SYNE1: variants seen among roughly 807,000 people sequenced by gnomAD.
SYNE1 encodes spectrin repeat containing nuclear envelope protein 1, also known as nesprin-1.
A neutral mutation model predicts 1,111.0 loss-of-function variants in SYNE1; 616 were observed. The ratio of observed to expected loss-of-function variants is 0.55; its 90% CI spans 0.52 to 0.59. The LOEUF (loss-of-function observed/expected upper bound fraction) is 0.59. Ranked by LOEUF, SYNE1 falls within the 20% of genes least tolerant of loss-of-function variation. SYNE1 has a pLI of 0.00. For synonymous variants in SYNE1, 3,855 were observed against 3,825.8 expected (o/e 1.01, Z -0.28); for missense variants, 10,006 against 10,417.0 (o/e 0.96, Z 1.72).
In SYNE1 at chr6:152,508,700, C is replaced by T. The variant is rs60901669; in HGVS notation, c.581+1493G>A. On this transcript the variant is annotated intron_variant, in intron 8 of 145. Coordinates refer to ENST00000367255, the MANE Select transcript of SYNE1 (RefSeq NM_182961.4). ...TAAGTTGTAAGAGAGATTAGTAATG[C>T]CACTGTGGATGCAATTAAACAGTGT... is the stretch of plus-strand genomic sequence containing the variant. Among the ~76,000 whole-genome samples, 491 of 152,270 alleles carry T rather than the reference C, an allele frequency of 3.2e-3. 5 individuals carry two copies. The highest frequency in any genetic ancestry group is 0.012 in the African/African-American group (478 of 41,552).
chr6:152,636,487 T>G (rs777516731), intron 2 of SYNE1, among the ~76,000 whole-genome samples, 151 bp downstream of exon 2: 44 of 152,094 alleles, frequency 2.9e-4, no homozygotes, highest in Non-Finnish European at 5.1e-4. Flanking sequence ...CACACATCAC[T>G]GCCACCACCC....
chr6:152,444,594 A>G lies in SYNE1; in HGVS notation c.3670-16T>C. 6.2e-7 allele frequency: 1 copy of G among 1,602,596 alleles called. No homozygotes were observed. Among genetic ancestry groups the G allele is most frequent in the African/African-American group, 1.3e-5 (1 of 74,590 alleles). The stretch of plus-strand genomic sequence containing the variant: ...TCTTTTCAACCTATATTTTCATGAA[A>G]AAAAAAAACACGTAAATCATATGCT... On this transcript the variant is annotated splice_polypyrimidine_tract_variant and intron_variant, in intron 29 of 145. Coordinates refer to ENST00000367255, the MANE Select transcript of SYNE1 (RefSeq NM_182961.4).
At chr6:152,560,526 C>A (rs946289126) in intron 3 of SYNE1, among the ~76,000 whole-genome samples, 2 of 152,126 alleles carry the variant, frequency 1.3e-5, no homozygotes, top group African/African-American at 4.8e-5. Flanking sequence ...AAAACTAATA[C>A]CAATCTTTCC....
chr6:152,205,655 G>A (rs553070148), intron 126 of SYNE1, among the ~76,000 whole-genome samples: 2 of 152,334 alleles, frequency 1.3e-5, no homozygotes, highest in South Asian at 2.1e-4. Flanking sequence ...CTTACTGTGT[G>A]ATCAGTATGT....
At chr6:152,175,627 A>G (rs2066275205) in intron 130 of SYNE1, among the ~76,000 whole-genome samples, 1 of 152,246 alleles carries the variant, frequency 6.6e-6, no homozygotes, top group Non-Finnish European at 1.5e-5. Context: ...TGTAGTGAAT[A>G]CAATGGAGAA....
At chr6:152,216,360 A>G (rs138143927) in intron 121 of SYNE1, among the ~76,000 whole-genome samples, 206 of 152,346 alleles carry the variant, frequency 1.4e-3, no homozygotes, top group Non-Finnish European at 2.1e-3. Flanking sequence ...AAATGACATG[A>G]TAGAGCATGG....
intron 67 of SYNE1, among the ~76,000 whole-genome samples, chr6:152,354,095 G>T (rs142898851): frequency 6.6e-6 from 1 of 152,012 alleles, no homozygotes; most frequent in Non-Finnish European, 1.5e-5. Context: ...AGCTGAGACC[G>T]CACCACTGCA....
In SYNE1 at chr6:152,387,238, T is replaced by C. The variant is rs1202704246; in HGVS notation, c.8321A>G (p.Asp2774Gly). Reference sequence around the variant, plus strand: ...CTCAGACAGGATGGACTGGAGGTGGTCAAGCAGGACGAACTTCTCTTTCAG... The same window carrying C: ...CTCAGACAGGATGGACTGGAGGTGGCCAAGCAGGACGAACTTCTCTTTCAG... ...PGLKEKFVLL[D>G]HLQSILSEAE... Residue 2774 changes from aspartate (D) to glycine (G), a missense_variant, in exon 54 of 146, where the codon GAC (aspartate) becomes GGC (glycine). This residue lies in a region of SYNE1 where 4,955 missense variants were observed against 5,017.2 expected (regional missense o/e 0.99). Transcript: ENST00000367255. 1 of 1,614,098 alleles carries C rather than the reference T, an allele frequency of 6.2e-7. No homozygotes were observed. Among genetic ancestry groups the C allele is most frequent in the Non-Finnish European group, 8.5e-7 (1 of 1,180,010 alleles).
At chr6:152,247,727 T>TTTTATATATATATATATA (rs1193626300) in intron 105 of SYNE1, among the ~76,000 whole-genome samples, 1 of 117,784 alleles carries the variant, frequency 8.5e-6, no homozygotes, top group African/African-American at 3.5e-5. Flanking sequence ...ATATTTTTTA[T>TTTTATATATATATATATA]TATATATATA....
intron 95 of SYNE1, among the ~76,000 whole-genome samples, chr6:152,286,245 T>G (rs2094321625): frequency 6.6e-6 from 1 of 152,224 alleles, no homozygotes; most frequent in African/African-American, 2.4e-5. Flanking sequence ...GATCAAGAAA[T>G]GGAATATTTC....
Position 152,437,417 on chromosome 6 carries a change from T to C in SYNE1, c.4150-1316A>G, listed in dbSNP as rs77522975. Among the ~76,000 whole-genome samples, 1,494 of 152,326 alleles carry C rather than the reference T, an allele frequency of 9.8e-3. 23 individuals carry two copies. The highest frequency in any genetic ancestry group is 0.033 in the African/African-American group (1,391 of 41,566). ...TTTCTTAGAAGGTTACTGTTAGCATTCTATTAGCAATCTTACTTTTAAAGT... is the reference window on the plus strand; with the variant it reads ...TTTCTTAGAAGGTTACTGTTAGCATCCTATTAGCAATCTTACTTTTAAAGT... On this transcript the variant is annotated intron_variant, in intron 32 of 145. Coordinates refer to ENST00000367255, the MANE Select transcript of SYNE1 (RefSeq NM_182961.4).
chr6:152,293,153 C>A (rs1016908389), intron 95 of SYNE1, among the ~76,000 whole-genome samples: 1 of 152,160 alleles, frequency 6.6e-6, no homozygotes, highest in African/African-American at 2.4e-5. Flanking sequence ...GATGTATTTT[C>A]TGAAGTGATA....
Position 152,353,584 on chromosome 6 carries a change from C to T in SYNE1, c.11082+5G>A. ...TCTATGCTGAGCACCTGGTGACCCA[C>T]TCACCAGCACTTGGAGAAGCAGGGC... is the stretch of plus-strand genomic sequence containing the variant. On this transcript the variant is annotated splice_donor_5th_base_variant and intron_variant, in intron 68 of 145. Transcript: ENST00000367255. The T allele has an allele frequency of 1.2e-6, 2 of 1,614,220 alleles. No homozygotes were observed. The highest frequency in any genetic ancestry group is 1.7e-6 in the Non-Finnish European group (2 of 1,180,046).
At chr6:152,449,489 A>G (rs1447513790) in intron 28 of SYNE1, 44 bp downstream of exon 28, 1 of 1,357,140 alleles carries the variant, frequency 7.4e-7, no homozygotes. Context: ...TTATTCTTCC[A>G]CTATGAGAAA....
At chr6:152,510,666 C>A (rs541674151) in intron 7 of SYNE1, among the ~76,000 whole-genome samples, 1 of 152,178 alleles carries the variant, frequency 6.6e-6, no homozygotes, top group East Asian at 1.9e-4. Flanking sequence ...TCATTCCTCC[C>A]CTTCATGTCT....
In SYNE1 at chr6:152,380,590, C is replaced by A. The variant is rs555821037; in HGVS notation, c.9009+416G>T. ...CTATTTGCTGTGCTGTAGGAGATTA[C>A]CAAGTGAGTCTTTTAAGGCTATAAA... On this transcript the variant is annotated intron_variant, in intron 56 of 145. Transcript: ENST00000367255. 4.0e-4 allele frequency: 100 copies of A among 247,398 alleles called. No homozygotes were observed. In the South Asian group the frequency reaches 4.6e-3, roughly 11 times the overall value. 15.3% of individuals were successfully genotyped at this position (247,398 alleles called of 1,614,324 possible). A position where few individuals can be genotyped will look rare whatever the true frequency, so the allele number is the denominator to read the frequency against.
intron 4 of SYNE1, among the ~76,000 whole-genome samples, chr6:152,538,044 A>G (rs1460042818): frequency 6.6e-6 from 1 of 152,202 alleles, no homozygotes; most frequent in Non-Finnish European, 1.5e-5. Context: ...AGACAAGCTC[A>G]TCACTGCCAT....
At chr6:152,145,319 T>G in intron 137 of SYNE1, 1 of 689,044 alleles carries the variant, frequency 1.5e-6, no homozygotes, top group Admixed American at 2.4e-5. Context: ...AATCTTATTC[T>G]TGGTGTGGAT....
At position 152,232,293 on chromosome 6, in the gene SYNE1, C is replaced by T. The variant is rs200026654; in HGVS notation, c.20713-28G>A. On this transcript the variant is annotated intron_variant, in intron 112 of 145. Coordinates refer to ENST00000367255, the MANE Select transcript of SYNE1 (RefSeq NM_182961.4). Reference sequence around the variant, plus strand: ...GTCCAAGTCAGGGAGAGAACCAGTCCCAAGTGTTAAAATGGAAACCCCAAC... The same window carrying T: ...GTCCAAGTCAGGGAGAGAACCAGTCTCAAGTGTTAAAATGGAAACCCCAAC... 4.6e-5 allele frequency: 74 copies of T among 1,613,126 alleles called. No individual in the cohort carries two copies. In the Admixed American group the frequency reaches 5.2e-4, roughly 11 times the overall value.
Sources: allele counts gnomAD v4.1 joint callset (sites outside exome capture counted in the v4.1 genomes callset), GRCh38; gene constraint gnomAD v4.1.1; regional missense constraint gnomAD v4.1.1; transcripts MANE v1.5; gene names NCBI Gene and HGNC (gene_info 2026-07-23, HGNC 2026-07-21).